CTNNA2: variants seen among roughly 807,000 people sequenced by gnomAD.
CTNNA2 encodes the protein catenin alpha 2.
In CTNNA2, 42 loss-of-function variants were observed where a neutral mutation model predicts 101.0. The observed-to-expected ratio is 0.42, with a 90% CI of 0.32 to 0.54. CTNNA2 has a LOEUF of 0.54. Ranked by LOEUF, CTNNA2 falls within the 20% of genes least tolerant of loss-of-function variation. The pLI, the probability that CTNNA2 is intolerant of heterozygous loss-of-function variation, is 0.14. For missense variants in CTNNA2, 871 were observed against 1,223.1 expected, an observed-to-expected ratio of 0.71 and a Z score of 4.29; for synonymous variants, 450 against 456.4, an observed-to-expected ratio of 0.99 and a Z score of 0.18.
chr2:79,312,354 G>A (rs1275662284), intron 2 of CTNNA2, among the ~76,000 whole-genome samples: 1 of 152,176 alleles, frequency 6.6e-6, no homozygotes, highest in Non-Finnish European at 1.5e-5. Context: ...GAAGTGAACT[G>A]TGTATACTTT....
chr2:79,267,334 G>C (rs1674998927), intron 2 of CTNNA2, among the ~76,000 whole-genome samples: 1 of 152,082 alleles, frequency 6.6e-6, no homozygotes, highest in Non-Finnish European at 1.5e-5. Context: ...CAGAGTCACT[G>C]TCTGATGAGG....
intron 7 of CTNNA2, among the ~76,000 whole-genome samples, chr2:79,921,432 A>G (rs1686645959): frequency 1.3e-5 from 2 of 152,190 alleles, no homozygotes; most frequent in South Asian, 4.1e-4. Flanking sequence ...GTGAAGCTGG[A>G]TAGTTAATCT....
chr2:80,477,180 T>C (rs191640539), intron 9 of CTNNA2, among the ~76,000 whole-genome samples: 2 of 152,220 alleles, frequency 1.3e-5, no homozygotes, highest in Admixed American at 1.3e-4. Flanking sequence ...GTGGTACACA[T>C]ACACACGCAC....
chr2:80,247,047 A>G (rs1671381748), intron 7 of CTNNA2, among the ~76,000 whole-genome samples: 1 of 152,210 alleles, frequency 6.6e-6, no homozygotes, highest in Non-Finnish European at 1.5e-5. Context: ...AGTGAGTTTT[A>G]TACTGTGCCC....
intron 1 of CTNNA2, among the ~76,000 whole-genome samples, chr2:79,598,175 C>G (rs1309454206): frequency 1.3e-5 from 2 of 152,180 alleles, no homozygotes; most frequent in Non-Finnish European, 2.9e-5. Flanking sequence ...GAATAATATT[C>G]CATTGTCTGG....
In CTNNA2 at chr2:79,323,108, A is replaced by G. The variant is rs1176298833; in HGVS notation, c.-318+10312A>G. ...CACCCTCAAATTTCAAATCCCCAGTATGTTTAGGCTCTTCCATGTTTCATG... is the reference window on the plus strand; with the variant it reads ...CACCCTCAAATTTCAAATCCCCAGTGTGTTTAGGCTCTTCCATGTTTCATG... On this transcript the variant is annotated intron_variant, in intron 3 of 21. Transcript: ENST00000466387. Among the ~76,000 whole-genome samples, 3 of 152,150 alleles carry G rather than the reference A, an allele frequency of 2.0e-5. No homozygotes were observed. In the East Asian group the frequency reaches 5.8e-4, roughly 29 times the overall value.
At chr2:79,827,694 TATATGCCATTGGGCACAA>T (rs1452682918) in intron 3 of CTNNA2, among the ~76,000 whole-genome samples, 2 of 152,222 alleles carry the variant, frequency 1.3e-5, no homozygotes, top group African/African-American at 4.8e-5. Flanking sequence ...TATGTATCAT[TATATGCCATTGGGCACAA>T]ATATATGGTT....
At chr2:80,383,767 G>A (rs1167242025) in intron 7 of CTNNA2, among the ~76,000 whole-genome samples, 1 of 150,022 alleles carries the variant, frequency 6.7e-6, no homozygotes, top group African/African-American at 2.5e-5. Flanking sequence ...TAACATACAG[G>A]CCCAAGAAAA....
intron 1 of CTNNA2, among the ~76,000 whole-genome samples, chr2:79,554,051 G>T (rs1351117599): frequency 1.3e-5 from 2 of 152,140 alleles, no homozygotes; most frequent in African/African-American, 2.4e-5. Context: ...GATTTGGGCT[G>T]TTGAAGGGTT....
At chr2:79,681,413 C>T (rs2104642271) in intron 2 of CTNNA2, among the ~76,000 whole-genome samples, 1 of 152,290 alleles carries the variant, frequency 6.6e-6, no homozygotes, top group South Asian at 2.1e-4. Flanking sequence ...TTTCCATCTA[C>T]CTCCATGCCC....
At chr2:79,857,446 T>C (rs893062178) in intron 3 of CTNNA2, among the ~76,000 whole-genome samples, 1 of 152,216 alleles carries the variant, frequency 6.6e-6, no homozygotes, top group East Asian at 1.9e-4. Context: ...TAAACATTTG[T>C]TTAATTGGTT....
Position 80,358,202 on chromosome 2 carries a change from C to T in CTNNA2, c.1057-35009C>T, listed in dbSNP as rs768389549. 1.9e-4 allele frequency among the ~76,000 whole-genome samples: 29 copies of T among 152,144 alleles called. 2 individuals are homozygous for T. The highest frequency in any genetic ancestry group is 8.5e-4 in the Admixed American group (13 of 15,272). ...TACTTACAAAGTCCTTAGGACAGTGCGTGGCAAGGAGTAAGCCTTCAATAG... is the reference window on the plus strand; with the variant it reads ...TACTTACAAAGTCCTTAGGACAGTGTGTGGCAAGGAGTAAGCCTTCAATAG... On this transcript the variant is annotated intron_variant, in intron 7 of 18. Coordinates refer to ENST00000402739, the MANE Select transcript of CTNNA2 (RefSeq NM_001282597.3).
chr2:79,771,522 C>T (rs925375769), intron 3 of CTNNA2, among the ~76,000 whole-genome samples: 2 of 152,160 alleles, frequency 1.3e-5, no homozygotes, highest in Admixed American at 1.3e-4. Flanking sequence ...TTTCCTGCAA[C>T]TGGATGGCCC....
At chr2:80,555,261 G>C (rs759395026) in intron 11 of CTNNA2, among the ~76,000 whole-genome samples, 12 of 152,222 alleles carry the variant, frequency 7.9e-5, no homozygotes, top group Non-Finnish European at 1.0e-4. Context: ...TACTTGGTCA[G>C]ATTGACTTCA....
chr2:79,756,980 C>G (rs1322170051), intron 3 of CTNNA2, among the ~76,000 whole-genome samples: 1 of 152,120 alleles, frequency 6.6e-6, no homozygotes, highest in Non-Finnish European at 1.5e-5. Context: ...TATGATATAG[C>G]CACTTTGAAG....
chr2:79,382,880 C>T (rs574662879), intron 4 of CTNNA2, among the ~76,000 whole-genome samples: 1 of 152,300 alleles, frequency 6.6e-6, no homozygotes, highest in African/African-American at 2.4e-5. Context: ...TCCCAAAGTG[C>T]TGGGATTACA....
chr2:79,942,773 T>C (rs1347092456), intron 7 of CTNNA2, among the ~76,000 whole-genome samples: 2 of 152,190 alleles, frequency 1.3e-5, no homozygotes, highest in Non-Finnish European at 2.9e-5. Flanking sequence ...TTTTGTGTTC[T>C]ACAAAAATTT....
chr2:79,364,827 G>C (rs1184337849), intron 3 of CTNNA2, among the ~76,000 whole-genome samples: 1 of 152,148 alleles, frequency 6.6e-6, no homozygotes, highest in Non-Finnish European at 1.5e-5. Flanking sequence ...TTTAGGAAGA[G>C]GAGGAATATG....
chr2:79,419,691 T>A (rs1678520905), intron 4 of CTNNA2, among the ~76,000 whole-genome samples: 1 of 152,146 alleles, frequency 6.6e-6, no homozygotes, highest in Admixed American at 6.5e-5. Flanking sequence ...ACCCTTTGCC[T>A]CTTTAACAGA....
Sources: allele counts gnomAD v4.1 joint callset (sites outside exome capture counted in the v4.1 genomes callset), GRCh38; gene constraint gnomAD v4.1.1; transcripts MANE v1.5; gene names NCBI Gene and HGNC (gene_info 2026-07-23, HGNC 2026-07-21).